Variants in SNTG1 observed in about 807,000 individuals in gnomAD.
SNTG1 encodes the protein syntrophin gamma 1.
A neutral mutation model predicts 74.7 loss-of-function variants in SNTG1; 39 were observed. The observed-to-expected ratio is 0.52, with a 90% CI of 0.40 to 0.68. The LOEUF is 0.68. SNTG1 is among the 30% of genes least tolerant of loss of function. The pLI is 0.00. For missense variants in SNTG1, 685 were observed against 609.5 expected, an observed-to-expected ratio of 1.12 and a Z score of -1.30; for synonymous variants, 254 against 217.1, an observed-to-expected ratio of 1.17 and a Z score of -1.49.
intron 1 of SNTG1, among the ~76,000 whole-genome samples, chr8:50,045,144 G>A (rs1465849076): frequency 2.0e-5 from 3 of 152,138 alleles, no homozygotes; most frequent in Non-Finnish European, 2.9e-5. Flanking sequence ...GTTGACATCC[G>A]AGCCCAGTCC....
chr8:50,773,408 G>T (rs2095632265), intron 18 of SNTG1, among the ~76,000 whole-genome samples: 3 of 152,062 alleles, frequency 2.0e-5, no homozygotes, highest in South Asian at 2.1e-4. Flanking sequence ...TGTGCAAGAA[G>T]AAAGTAAAGA....
intron 13 of SNTG1, among the ~76,000 whole-genome samples, chr8:50,603,696 G>A (rs941917396): frequency 2.0e-5 from 3 of 152,104 alleles, no homozygotes; most frequent in African/African-American, 7.2e-5. Context: ...TGGACCCCAA[G>A]ACCAATAACA....
intron 15 of SNTG1, among the ~76,000 whole-genome samples, chr8:50,694,092 G>A (rs943899444): frequency 9.6e-5 from 14 of 145,710 alleles, no homozygotes; most frequent in Non-Finnish European, 1.8e-4. Flanking sequence ...TTAGAAGGAA[G>A]AAAATAATAA....
chr8:50,758,832 A>G (rs1284716949), intron 18 of SNTG1, among the ~76,000 whole-genome samples: 1 of 152,128 alleles, frequency 6.6e-6, no homozygotes, highest in Non-Finnish European at 1.5e-5. Flanking sequence ...CTTTGGGTAT[A>G]TACTCAATAA....
intron 2 of SNTG1, among the ~76,000 whole-genome samples, chr8:50,346,999 C>T (rs757715676): frequency 6.6e-6 from 1 of 152,204 alleles, no homozygotes; most frequent in Non-Finnish European, 1.5e-5. Context: ...GTAGAAGCTG[C>T]AGCAAGTTAT....
chr8:50,030,876 A>T (rs2130752732), intron 1 of SNTG1, among the ~76,000 whole-genome samples: 1 of 152,102 alleles, frequency 6.6e-6, no homozygotes, highest in South Asian at 2.1e-4. Flanking sequence ...TCTACTAAAA[A>T]TGTGGTAGGA....
rs200000588 is a variant in SNTG1, at chr8:50,446,314, AC to A, written c.220-3353del. On this transcript the variant is annotated intron_variant, in intron 5 of 18. Transcript: ENST00000642720. ...AGTTTTGTCTTAAAATTCAGTAATTACTGAAGTCATTTTCAGAAATTAGTTT... is the reference window on the plus strand; with the variant it reads ...AGTTTTGTCTTAAAATTCAGTAATTATGAAGTCATTTTCAGAAATTAGTTT... 8.9e-3 allele frequency among the ~76,000 whole-genome samples: 1,349 copies of A among 151,894 alleles called. 5 individuals carry two copies. The highest frequency in any genetic ancestry group is 0.015 in the Non-Finnish European group (999 of 67,970).
chr8:50,172,857 A>G (rs117476435), intron 2 of SNTG1, among the ~76,000 whole-genome samples: 834 of 152,062 alleles, frequency 5.5e-3, no homozygotes, highest in Non-Finnish European at 0.01. Context: ...GTAGTTACAC[A>G]GCATTTTGAT....
chr8:50,461,269 CA>C (rs1185412705), intron 8 of SNTG1, among the ~76,000 whole-genome samples: 2 of 149,966 alleles, frequency 1.3e-5, no homozygotes, highest in Non-Finnish European at 3.0e-5. Flanking sequence ...ATTCTTATCA[CA>C]TCATATTAAG....
intron 9 of SNTG1, among the ~76,000 whole-genome samples, chr8:50,510,319 G>T (rs1303929639): frequency 6.6e-6 from 1 of 152,166 alleles, no homozygotes; most frequent in Non-Finnish European, 1.5e-5. Context: ...TGGTTTGCCA[G>T]TATTTTATTG....
At chr8:50,400,916 A>G (rs2092795756) in intron 3 of SNTG1, among the ~76,000 whole-genome samples, 1 of 152,152 alleles carries the variant, frequency 6.6e-6, no homozygotes, top group Non-Finnish European at 1.5e-5. Flanking sequence ...ACAGTAATGC[A>G]TTATATGTCA....
chr8:50,454,611 G>A (rs974841507), intron 8 of SNTG1, among the ~76,000 whole-genome samples: 2 of 152,256 alleles, frequency 1.3e-5, no homozygotes, highest in African/African-American at 4.8e-5. Context: ...GGAGGCCCAG[G>A]AGGGCAGATC....
chr8:49,976,252 A>G (rs949620144), intron 1 of SNTG1, among the ~76,000 whole-genome samples: 4 of 152,200 alleles, frequency 2.6e-5, no homozygotes, highest in African/African-American at 9.6e-5. Context: ...GAAATAGGAA[A>G]ATAAGTTTTT....
chr8:50,108,563 G>A (rs1161186513), intron 1 of SNTG1, among the ~76,000 whole-genome samples: 1 of 151,978 alleles, frequency 6.6e-6, no homozygotes, highest in South Asian at 2.1e-4. Flanking sequence ...TTCATGAAGG[G>A]AAAAACCCCC....
chr8:50,088,925 C>G (rs1823188066), intron 1 of SNTG1, among the ~76,000 whole-genome samples: 1 of 150,376 alleles, frequency 6.6e-6, no homozygotes, highest in African/African-American at 2.4e-5. Context: ...CATATGGAAC[C>G]AAAAAAGAGC....
chr8:50,791,182 C>T (rs1292808363), intron 18 of SNTG1, among the ~76,000 whole-genome samples: 1 of 151,728 alleles, frequency 6.6e-6, no homozygotes, highest in Non-Finnish European at 1.5e-5. Flanking sequence ...GGAGGATTTC[C>T]AGGGTGAGTT....
At chr8:50,487,297 A>C (rs1400854273) in intron 8 of SNTG1, among the ~76,000 whole-genome samples, 2 of 152,346 alleles carry the variant, frequency 1.3e-5, no homozygotes, top group East Asian at 3.9e-4. Flanking sequence ...TTAGAGATCT[A>C]GAATTAGAAA....
At chr8:50,701,345 C>T (rs902043472) in intron 15 of SNTG1, among the ~76,000 whole-genome samples, 1 of 152,082 alleles carries the variant, frequency 6.6e-6, no homozygotes, top group Non-Finnish European at 1.5e-5. Context: ...AATTTATAAC[C>T]AGATCAATCA....
chr8:50,637,827 A>G (rs1006826829), intron 13 of SNTG1, among the ~76,000 whole-genome samples: 13 of 152,268 alleles, frequency 8.5e-5, no homozygotes, highest in African/African-American at 2.9e-4. Flanking sequence ...TTATTGTTCA[A>G]TTAAATTACT....
Sources: gnomAD v4.1 joint callset for allele counts (sites outside exome capture counted in the v4.1 genomes callset) on GRCh38, gnomAD v4.1.1 for gene constraint, MANE v1.5 for transcripts, NCBI Gene and HGNC (gene_info 2026-07-23, HGNC 2026-07-21) for gene names.